The following KAZN variants were observed in gnomAD, a reference collection of about 807,000 sequenced individuals.
KAZN encodes kazrin.
In KAZN, 40 loss-of-function variants were observed where a neutral mutation model predicts 87.4. That is an observed-to-expected ratio of 0.46 (90% CI 0.36 to 0.60). The LOEUF is 0.60. Ranked by LOEUF, KAZN falls within the 20% of genes least tolerant of loss-of-function variation. KAZN has a pLI of 0.00. For missense variants in KAZN, 898 were observed against 1,073.9 expected, an observed-to-expected ratio of 0.84 and a Z score of 2.29; for synonymous variants, 466 against 458.3, an observed-to-expected ratio of 1.02 and a Z score of -0.22.
chr1:14,620,788 C>T (rs1678636009), intron 1 of KAZN, among the ~76,000 whole-genome samples: 1 of 152,182 alleles, frequency 6.6e-6, no homozygotes, highest in East Asian at 1.9e-4. Context: ...GTTTTAGCAT[C>T]TTTAAAATGG....
intron 2 of KAZN, among the ~76,000 whole-genome samples, chr1:14,381,370 C>CA (rs56935595): frequency 6.6e-4 from 94 of 141,978 alleles, no homozygotes; most frequent in African/African-American, 1.1e-3. Context: ...ACCGGACAAT[C>CA]AAAAAAAAAA....
intron 1 of KAZN, among the ~76,000 whole-genome samples, chr1:14,938,369 G>T (rs189489567): frequency 6.6e-6 from 1 of 151,918 alleles, no homozygotes; most frequent in East Asian, 1.9e-4. Context: ...TGGCAAAACC[G>T]CATCTCTACC....
chr1:14,703,594 CT>C (rs1172579182), intron 1 of KAZN, among the ~76,000 whole-genome samples: 3 of 152,186 alleles, frequency 2.0e-5, no homozygotes, highest in Non-Finnish European at 4.4e-5. Flanking sequence ...TCAGGTATGT[CT>C]TTATTAGCAG....
rs1676701595 is a variant in KAZN, at chr1:14,598,852, C to T, written c.-146C>T. ...GTCATTCCTGTGCCGGAGGAACCGG[C>T]GCTGCCGGTGCCTGGGGGTCGGGGC... On this transcript the variant is annotated 5_prime_UTR_variant, in exon 1 of 15. Coordinates refer to ENST00000376030, the MANE Select transcript of KAZN (RefSeq NM_201628.3). The surrounding 1 kb of genome is among the most constrained non-coding windows in gnomAD (Gnocchi z 4.2). The T allele has an allele frequency of 2.1e-6, 3 of 1,417,588 alleles. No homozygotes were observed. The highest frequency in any genetic ancestry group is 2.7e-6 in the Non-Finnish European group (3 of 1,092,480). The allele number at this position is 1,417,588 out of a possible 1,614,324, so 87.8% of individuals were successfully genotyped here.
At chr1:14,487,576 CTT>C (rs931582998) in intron 2 of KAZN, among the ~76,000 whole-genome samples, 5 of 152,190 alleles carry the variant, frequency 3.3e-5, no homozygotes, top group African/African-American at 1.2e-4. Context: ...GAGCCAAAGA[CTT>C]TTATTTTGTT....
chr1:14,737,379 A>G (rs927284374), intron 1 of KAZN, among the ~76,000 whole-genome samples: 3 of 152,224 alleles, frequency 2.0e-5, no homozygotes, highest in Admixed American at 6.5e-5. Flanking sequence ...CGGTATGCAC[A>G]GAGAAGTAAA....
chr1:15,092,993 T>C (rs2100676822), intron 8 of KAZN, among the ~76,000 whole-genome samples: 1 of 151,754 alleles, frequency 6.6e-6, no homozygotes, highest in East Asian at 1.9e-4. Flanking sequence ...TGGAGCTGGG[T>C]TCCATTTATC....
chr1:14,344,330 T>TG (rs1009423600), intron 2 of KAZN, among the ~76,000 whole-genome samples: 22 of 151,310 alleles, frequency 1.5e-4, no homozygotes, highest in Admixed American at 1.3e-3. Flanking sequence ...AGACATAGTG[T>TG]GAAAAAAAAA....
chr1:14,459,746 C>G (rs1056566272), intron 2 of KAZN, among the ~76,000 whole-genome samples: 1 of 152,080 alleles, frequency 6.6e-6, no homozygotes, highest in Admixed American at 6.5e-5. Flanking sequence ...AAACAAGGGC[C>G]CTTGTCTATT....
chr1:14,023,739 G>A (rs906857515), intron 1 of KAZN, among the ~76,000 whole-genome samples: 8 of 152,172 alleles, frequency 5.3e-5, no homozygotes, highest in African/African-American at 1.9e-4. Flanking sequence ...TGAGTGACAG[G>A]AACCAAACCC....
intron 1 of KAZN, among the ~76,000 whole-genome samples, chr1:14,956,144 G>C (rs1663066790): frequency 6.6e-6 from 1 of 152,148 alleles, no homozygotes; most frequent in Non-Finnish European, 1.5e-5. Flanking sequence ...CTGAGACCCA[G>C]AGAAGTGACA....
At chr1:14,740,574 G>T (rs1018534178) in intron 1 of KAZN, among the ~76,000 whole-genome samples, 3 of 151,962 alleles carry the variant, frequency 2.0e-5, no homozygotes, top group Non-Finnish European at 2.9e-5. Flanking sequence ...TACATTGTAT[G>T]GTTCTCCTTC....
intron 8 of KAZN, among the ~76,000 whole-genome samples, chr1:15,070,632 A>C (rs1295503042): frequency 1.3e-5 from 2 of 152,208 alleles, no homozygotes; most frequent in South Asian, 4.1e-4. Flanking sequence ...AGTGAGCCTG[A>C]ACCGTGGGGG....
At chr1:14,025,587 T>C (rs186362510) in intron 1 of KAZN, among the ~76,000 whole-genome samples, 18 of 152,294 alleles carry the variant, frequency 1.2e-4, no homozygotes, top group Non-Finnish European at 2.5e-4. Context: ...GAAACACTGA[T>C]GTAGACCAAC....
chr1:14,037,763 C>A (rs1261122864), intron 1 of KAZN, among the ~76,000 whole-genome samples: 2 of 152,182 alleles, frequency 1.3e-5, no homozygotes, highest in East Asian at 1.9e-4. Context: ...AGTCTCCCAG[C>A]CGTGCTGCCT....
chr1:14,243,943 C>A, intron 2 of KAZN, among the ~76,000 whole-genome samples: 1 of 152,080 alleles, frequency 6.6e-6, no homozygotes, highest in East Asian at 1.9e-4. Context: ...CCTGGGGGAG[C>A]CAAGGAAAAC....
chr1:14,548,277 C>A (rs1209610530), intron 2 of KAZN, among the ~76,000 whole-genome samples: 1 of 150,928 alleles, frequency 6.6e-6, no homozygotes, highest in Non-Finnish European at 1.5e-5. Flanking sequence ...CGGCTCACTG[C>A]AACCACTGCC....
intron 2 of KAZN, among the ~76,000 whole-genome samples, chr1:14,367,014 G>C (rs1019054034): frequency 6.6e-6 from 1 of 152,136 alleles, no homozygotes; most frequent in Non-Finnish European, 1.5e-5. Context: ...GGCAGATCAC[G>C]AGGTCAGGAG....
rs772467094 is a variant in KAZN at position 15,065,698 on chromosome 1, C to A, written c.1167C>A (p.Ser389=). The A allele has an allele frequency of 4.3e-6, 7 of 1,614,244 alleles. No individual in the cohort carries two copies. The highest frequency in any genetic ancestry group is 5.1e-6 in the Non-Finnish European group (6 of 1,180,034). The change falls in exon 8 of 15, where the codon TCC becomes TCA. Residue 389 remains serine, a synonymous_variant. Coordinates refer to ENST00000376030, the MANE Select transcript of KAZN (RefSeq NM_201628.3). ...KKEKMGFGSI[S]RVFARGKQRK... is the part of the protein sequence containing the mutation. The stretch of plus-strand genomic sequence containing the variant: ...AGAAGATGGGATTCGGCTCCATCTC[C>A]CGCGTCTTCGCCAGAGGGAAGCAGC...
Sources: gnomAD v4.1 joint callset for allele counts (sites outside exome capture counted in the v4.1 genomes callset) on GRCh38, gnomAD v4.1.1 for gene constraint, Gnocchi (gnomAD v3.1) non-coding constraint, MANE v1.5 for transcripts, NCBI Gene and HGNC (gene_info 2026-07-23, HGNC 2026-07-21) for gene names.